Variants in NELL1 observed in about 807,000 individuals in gnomAD.
The protein encoded by NELL1 is neural EGFL like 1.
In NELL1, 76 loss-of-function variants were observed where a neutral mutation model predicts 107.4. That is an observed-to-expected ratio of 0.71 (90% confidence interval 0.59 to 0.86). The LOEUF is 0.86. Ranked by LOEUF, NELL1 falls within the 40% of genes least tolerant of loss-of-function variation. NELL1 has a pLI of 0.00. For synonymous variants in NELL1, 353 were observed against 341.2 expected (o/e 1.03, Z -0.38); for missense variants, 1,024 against 1,005.5 (o/e 1.02, Z -0.25).
intron 7 of NELL1, chr11:20,926,918 G>T: frequency 6.1e-6 from 1 of 163,140 alleles, no homozygotes; most frequent in Admixed American, 6.2e-5. Flanking sequence ...AGGATAGTGG[G>T]AGATAAATGT....
intron 7 of NELL1, among the ~76,000 whole-genome samples, chr11:20,925,355 G>A (rs1030905446): frequency 1.3e-5 from 2 of 151,740 alleles, no homozygotes; most frequent in African/African-American, 2.4e-5. Context: ...ATCTTGGCCT[G>A]CTGCAACCTC....
chr11:21,244,559 CATT>C (rs1220086714), intron 14 of NELL1, among the ~76,000 whole-genome samples: 1 of 152,158 alleles, frequency 6.6e-6, no homozygotes, highest in Non-Finnish European at 1.5e-5. Context: ...CATCCCCAAA[CATT>C]ATAAATTTAA....
At chr11:20,681,132 T>TA (rs774433528) in intron 2 of NELL1, among the ~76,000 whole-genome samples, 18 of 152,158 alleles carry the variant, frequency 1.2e-4, no homozygotes, top group Non-Finnish European at 2.6e-4. Flanking sequence ...GCTTTCCTGA[T>TA]AGTGTGTCTC....
In NELL1 at chr11:21,575,608, A is replaced by T. The variant is rs901002380; in HGVS notation, c.*586A>T. On this transcript the variant is annotated 3_prime_UTR_variant, in exon 20 of 20. Transcript: ENST00000357134. ...CATTCAGCTTAAACAGGCTGAAGCC[A>T]AGTATGACAAAGAGGGGAAGGGCCA... The T allele has an allele frequency of 1.3e-5, 2 of 151,858 alleles. No individual in the cohort carries two copies. Among genetic ancestry groups the T allele is most frequent in the Non-Finnish European group, 2.9e-5 (2 of 67,870 alleles). The allele number at this position is 151,858 out of a possible 1,614,324, so 9.4% of individuals were successfully genotyped here.
chr11:20,703,425 AT>A (rs1468232323), intron 2 of NELL1, among the ~76,000 whole-genome samples: 1 of 151,790 alleles, frequency 6.6e-6, no homozygotes, highest in African/African-American at 2.4e-5. Flanking sequence ...CAGTCTATGA[AT>A]TTTGTTGATC....
intron 2 of NELL1, among the ~76,000 whole-genome samples, chr11:20,774,299 T>C (rs1041953452): frequency 4.8e-5 from 7 of 144,926 alleles, no homozygotes; most frequent in Non-Finnish European, 7.6e-5. Context: ...CTTCCTTTTT[T>C]CCTCCCTCCC....
At chr11:21,376,397 A>G (rs1851480313) in intron 15 of NELL1, among the ~76,000 whole-genome samples, 1 of 151,834 alleles carries the variant, frequency 6.6e-6, no homozygotes, top group Admixed American at 6.6e-5. Flanking sequence ...GTTCTGTTCC[A>G]TTGGTCTCTC....
chr11:21,567,655 A>G lies in NELL1; in HGVS notation c.1981-3109A>G, dbSNP rs115078859. Among the ~76,000 whole-genome samples the G allele has an allele frequency of 5.6e-3, 853 of 151,884 alleles. 9 individuals carry two copies. The highest frequency in any genetic ancestry group is 0.02 in the African/African-American group (818 of 41,484). ...AGAATATAAAGCTTTTAAGGTTTCC[A>G]CTTTAGCTGACACAAAACATCTCAG... On this transcript the variant is annotated intron_variant, in intron 17 of 19. Transcript: ENST00000357134.
chr11:21,549,290 A>G (rs2133987611), intron 16 of NELL1, among the ~76,000 whole-genome samples: 1 of 152,070 alleles, frequency 6.6e-6, no homozygotes, highest in African/African-American at 2.4e-5. Flanking sequence ...AAAGAGTATA[A>G]TGTATAAGAG....
intron 2 of NELL1, among the ~76,000 whole-genome samples, chr11:20,704,538 C>T (rs1050481118): frequency 6.6e-6 from 1 of 152,202 alleles, no homozygotes; most frequent in Non-Finnish European, 1.5e-5. Context: ...TGAATTTGAT[C>T]CTGTCATTAT....
intron 12 of NELL1, among the ~76,000 whole-genome samples, chr11:21,079,120 G>A (rs1395379760): frequency 6.6e-6 from 1 of 151,738 alleles, no homozygotes; most frequent in African/African-American, 2.4e-5. Context: ...GTTAATATCT[G>A]TAAAAATAGA....
intron 13 of NELL1, among the ~76,000 whole-genome samples, chr11:21,194,677 A>G (rs1857115985): frequency 6.6e-6 from 1 of 152,168 alleles, no homozygotes; most frequent in Non-Finnish European, 1.5e-5. Flanking sequence ...CGAATCAGCA[A>G]CTTTTTAGGG....
At chr11:21,192,073 C>A (rs1857061507) in intron 13 of NELL1, among the ~76,000 whole-genome samples, 1 of 151,676 alleles carries the variant, frequency 6.6e-6, no homozygotes, top group Admixed American at 6.6e-5. Context: ...TTAAGATATT[C>A]TATTTTTATA....
At chr11:21,143,094 T>A (rs1055890376) in intron 13 of NELL1, among the ~76,000 whole-genome samples, 2 of 152,192 alleles carry the variant, frequency 1.3e-5, no homozygotes, top group Admixed American at 6.5e-5. Context: ...AGTGACTGTA[T>A]GCACGTGAGT....
intron 13 of NELL1, among the ~76,000 whole-genome samples, chr11:21,173,725 G>C (rs1196401081): frequency 6.6e-6 from 1 of 151,552 alleles, no homozygotes; most frequent in Non-Finnish European, 1.5e-5. Context: ...GAATTGACTT[G>C]ATTATTGCTT....
At position 20,886,843 on chromosome 11, in the gene NELL1, CA is replaced by C. The variant is rs200428434; in HGVS notation, c.603+1311del. On this transcript the variant is annotated intron_variant, in intron 5 of 19. Transcript: ENST00000357134. ...AACTTAAAGTATAATAAAATAATAC[CA>C]AAAAAAAGTAAGATGTAATTTACAT... Among the ~76,000 whole-genome samples, 637 of 151,484 alleles carry C rather than the reference CA, an allele frequency of 4.2e-3. 6 individuals are homozygous for C. The highest frequency in any genetic ancestry group is 0.014 in the African/African-American group (593 of 41,374).
chr11:21,468,556 T>G (rs1854091035), intron 15 of NELL1, among the ~76,000 whole-genome samples: 1 of 152,074 alleles, frequency 6.6e-6, no homozygotes, highest in South Asian at 2.1e-4. Flanking sequence ...CAATCTCCAA[T>G]TTGCTTCTAC....
intron 12 of NELL1, among the ~76,000 whole-genome samples, chr11:20,993,187 C>T (rs572395357): frequency 6.6e-6 from 1 of 152,242 alleles, no homozygotes; most frequent in East Asian, 1.9e-4. Flanking sequence ...ACTCCCCAGG[C>T]AGACTTAGAT....
intron 12 of NELL1, among the ~76,000 whole-genome samples, chr11:21,099,192 A>AACACACACACACACACAC (rs59848133): frequency 1.4e-5 from 2 of 141,862 alleles, no homozygotes; most frequent in African/African-American, 2.6e-5. Flanking sequence ...GACACTGAAC[A>AACACACACACACACACAC]ACACACACAC....
Sources: gnomAD v4.1 joint callset for allele counts (sites outside exome capture counted in the v4.1 genomes callset) on GRCh38, gnomAD v4.1.1 for gene constraint, MANE v1.5 for transcripts, NCBI Gene and HGNC (gene_info 2026-07-23, HGNC 2026-07-21) for gene names.